The following EPHA7 variants were observed in gnomAD, a reference collection of about 807,000 sequenced individuals.
EPHA7 encodes ephrin type-A receptor 7.
EPHA7 carries 25 observed loss-of-function variants against 112.6 expected under a neutral mutation model. That is an observed-to-expected ratio of 0.22 (90% CI 0.16 to 0.31). EPHA7 has a LOEUF of 0.31. EPHA7 is among the 10% of genes least tolerant of loss of function. The pLI, the probability that EPHA7 is intolerant of heterozygous loss-of-function variation, is 1.00. For synonymous variants in EPHA7, 437 were observed against 406.5 expected, an observed-to-expected ratio of 1.07 and a Z score of -0.90; for missense variants, 962 against 1,212.6, an observed-to-expected ratio of 0.79 and a Z score of 3.07.
intron 5 of EPHA7, among the ~76,000 whole-genome samples, chr6:93,283,594 C>T (rs1325540831): frequency 1.3e-5 from 2 of 152,080 alleles, no homozygotes; most frequent in African/African-American, 4.8e-5. Flanking sequence ...AGACGCACTG[C>T]CTTAAGAGCT....
At chr6:93,245,497 C>A in intron 15 of EPHA7, 44 bp from the exon 16 acceptor site, 2 of 1,581,874 alleles carry the variant, frequency 1.3e-6, no homozygotes, top group Non-Finnish European at 8.6e-7. Flanking sequence ...TCCTGAAATA[C>A]CAAAGAAAGA....
intron 5 of EPHA7, among the ~76,000 whole-genome samples, chr6:93,318,901 G>C (rs560804683): frequency 6.6e-6 from 1 of 152,086 alleles, no homozygotes; most frequent in South Asian, 2.1e-4. Context: ...AATTTTTCTG[G>C]CATTTCAACC....
intron 5 of EPHA7, among the ~76,000 whole-genome samples, chr6:93,322,493 T>G (rs966610659): frequency 2.6e-5 from 4 of 151,620 alleles, no homozygotes; most frequent in African/African-American, 7.3e-5. Context: ...ATAAATATAC[T>G]GGAGTTTTGC....
chr6:93,356,010 T>C (rs1221227740), intron 5 of EPHA7, among the ~76,000 whole-genome samples: 1 of 152,190 alleles, frequency 6.6e-6, no homozygotes, highest in Admixed American at 6.5e-5. Flanking sequence ...TGGGTAACAT[T>C]ATGTGAGACA....
At chr6:93,324,483 G>A (rs7754087) in intron 5 of EPHA7, among the ~76,000 whole-genome samples, 37,024 of 151,034 alleles carry the variant, frequency 0.25, 4,724 homozygotes, top group East Asian at 0.32. Flanking sequence ...CAATAATCTA[G>A]CAGGATTGGC....
At chr6:93,299,105 T>C (rs922971870) in intron 5 of EPHA7, among the ~76,000 whole-genome samples, 8 of 149,784 alleles carry the variant, frequency 5.3e-5, no homozygotes, top group Admixed American at 4.6e-4. Flanking sequence ...GGCGGGCGGA[T>C]CAAGAGGTCA....
intron 3 of EPHA7, among the ~76,000 whole-genome samples, chr6:93,400,273 T>G (rs923228653): frequency 1.3e-5 from 2 of 152,084 alleles, no homozygotes; most frequent in African/African-American, 4.8e-5. Flanking sequence ...ATTTTCTATA[T>G]GAGAACTAGT....
At chr6:93,324,339 A>T (rs372956862) in intron 5 of EPHA7, among the ~76,000 whole-genome samples, 22 of 151,526 alleles carry the variant, frequency 1.5e-4, no homozygotes, top group African/African-American at 4.1e-4. Context: ...CAGGTAATTT[A>T]AAAAAGTTTC....
chr6:93,272,550 T>C, intron 5 of EPHA7, 128 bp from the exon 6 acceptor site: 1 of 1,055,146 alleles, frequency 9.5e-7, no homozygotes, highest in Non-Finnish European at 1.4e-6. Context: ...TTTTCATAGC[T>C]CACAATTCAG....
intron 5 of EPHA7, among the ~76,000 whole-genome samples, chr6:93,292,575 A>G (rs1425287938): frequency 6.6e-6 from 1 of 152,122 alleles, no homozygotes; most frequent in Non-Finnish European, 1.5e-5. Flanking sequence ...ATGGAGTACT[A>G]CTGTATTAGG....
intron 5 of EPHA7, among the ~76,000 whole-genome samples, chr6:93,281,950 A>G (rs1184610674): frequency 1.3e-5 from 2 of 151,860 alleles, no homozygotes; most frequent in Non-Finnish European, 2.9e-5. Context: ...TATATATTAT[A>G]TATTTCATAA....
intron 7 of EPHA7, among the ~76,000 whole-genome samples, chr6:93,267,584 T>C (rs928919993): frequency 5.9e-5 from 9 of 151,802 alleles, no homozygotes; most frequent in African/African-American, 2.2e-4. Flanking sequence ...ATATGGATTC[T>C]TCTTTCATCA....
At chr6:93,409,476 A>G (rs184578250) in intron 3 of EPHA7, among the ~76,000 whole-genome samples, 1 of 152,220 alleles carries the variant, frequency 6.6e-6, no homozygotes, top group African/African-American at 2.4e-5. Context: ...ATGTCTGCAC[A>G]TACTAAGTTA....
At chr6:93,259,258 ATACTTG>A in intron 10 of EPHA7, 90 bp downstream of exon 10, 6 of 1,488,188 alleles carry the variant, frequency 4.0e-6, no homozygotes, top group Non-Finnish European at 5.5e-6. Flanking sequence ...CAAAAGTTCT[ATACTTG>A]AGGGATAATT....
Position 93,254,652 on chromosome 6 carries a change from G to C in EPHA7, c.2527C>G (p.Gln843Glu), listed in dbSNP as rs1342659278. Residue 843 changes from glutamine to glutamate, a missense_variant, in exon 14 of 17, where the codon CAA (glutamine) becomes GAA (glutamate). Coordinates refer to ENST00000369303, the MANE Select transcript of EPHA7 (RefSeq NM_004440.4). ...TAAATGAATGTAACACCTACATCTT[G>C]ATTTGACATGTCCCAATAAGGTCTT... ...GERPYWDMSN[Q>E]DVIKAIEEGY... The C allele has an allele frequency of 6.2e-7, 1 of 1,611,012 alleles. No homozygotes were observed. Among genetic ancestry groups the C allele is most frequent in the Non-Finnish European group, 8.5e-7 (1 of 1,178,116 alleles).
At chr6:93,379,995 GTTTGTT>G (rs1218059079) in intron 3 of EPHA7, among the ~76,000 whole-genome samples, 2 of 151,902 alleles carry the variant, frequency 1.3e-5, no homozygotes. Flanking sequence ...TTGTTTCTTT[GTTTGTT>G]TTTAACATTC....
intron 14 of EPHA7, 87 bp from the exon 15 acceptor site, chr6:93,247,072 CAG>C: frequency 8.2e-7 from 1 of 1,220,798 alleles, no homozygotes; most frequent in Non-Finnish European, 1.1e-6. Context: ...ATGATTTATC[CAG>C]AGAAGAATGA....
intron 3 of EPHA7, among the ~76,000 whole-genome samples, chr6:93,363,227 C>T (rs1776342620): frequency 6.6e-6 from 1 of 152,078 alleles, no homozygotes; most frequent in South Asian, 2.1e-4. Flanking sequence ...AACCAACATC[C>T]TGGAGGTTCC....
At chr6:93,273,992 T>A (rs1771352599) in intron 5 of EPHA7, among the ~76,000 whole-genome samples, 1 of 151,896 alleles carries the variant, frequency 6.6e-6, no homozygotes, top group Admixed American at 6.6e-5. Flanking sequence ...CCAAAAAATT[T>A]ACATTTTAAC....
Sources: allele counts gnomAD v4.1 joint callset (sites outside exome capture counted in the v4.1 genomes callset), GRCh38; gene constraint gnomAD v4.1.1; transcripts MANE v1.5; gene names NCBI Gene and HGNC (gene_info 2026-07-23, HGNC 2026-07-21).